Variants in CACNA2D3 observed in about 807,000 individuals in gnomAD.
The protein encoded by CACNA2D3 is voltage-dependent calcium channel subunit alpha-2/delta-3.
A neutral mutation model predicts 160.6 loss-of-function variants in CACNA2D3; 60 were observed. That is an observed-to-expected ratio of 0.37 (90% CI 0.30 to 0.46). The LOEUF is 0.46. Among genes scored for constraint, CACNA2D3 ranks in the 20% least tolerant of loss-of-function variants. The probability of loss-of-function intolerance (pLI) is 1.00; values close to 1 mark genes in which losing one functional copy is unlikely to be tolerated. For missense variants in CACNA2D3, 1,205 were observed against 1,365.0 expected (o/e 0.88, Z 1.85); for synonymous variants, 558 against 492.9 (o/e 1.13, Z -1.75).
chr3:54,606,892 C>T (rs1406713377), intron 9 of CACNA2D3, among the ~76,000 whole-genome samples: 1 of 152,180 alleles, frequency 6.6e-6, no homozygotes, highest in Non-Finnish European at 1.5e-5. Context: ...GCAAAATGCA[C>T]CTATCTCCCA....
chr3:54,618,307 C>G (rs1197952740), intron 9 of CACNA2D3, among the ~76,000 whole-genome samples: 1 of 146,568 alleles, frequency 6.8e-6, no homozygotes, highest in East Asian at 2.0e-4. Context: ...TTTAAACTTT[C>G]ACTAGTAGGG....
chr3:54,756,581 G>A (rs920735226), intron 12 of CACNA2D3, among the ~76,000 whole-genome samples: 9 of 152,130 alleles, frequency 5.9e-5, no homozygotes, highest in African/African-American at 1.9e-4. Flanking sequence ...TGAAGCATTA[G>A]CATTCAGGGA....
chr3:54,777,400 A>G (rs538711132), intron 13 of CACNA2D3, among the ~76,000 whole-genome samples: 2 of 152,350 alleles, frequency 1.3e-5, no homozygotes, highest in East Asian at 1.9e-4. Flanking sequence ...TATTAGACGT[A>G]CAGAGCAGAC....
chr3:54,913,213 G>C (rs1003404434), intron 27 of CACNA2D3, among the ~76,000 whole-genome samples: 5 of 152,124 alleles, frequency 3.3e-5, no homozygotes, highest in African/African-American at 1.2e-4. Context: ...CTCCTGTGTA[G>C]CTGGGATCAT....
intron 35 of CACNA2D3, among the ~76,000 whole-genome samples, chr3:55,032,710 T>G (rs1703709045): frequency 6.6e-6 from 1 of 152,056 alleles, no homozygotes; most frequent in African/African-American, 2.4e-5. Context: ...CTACAGGGGA[T>G]TGGCTTGATG....
intron 2 of CACNA2D3, among the ~76,000 whole-genome samples, chr3:54,156,734 T>C (rs998721534): frequency 6.6e-6 from 1 of 152,188 alleles, no homozygotes; most frequent in African/African-American, 2.4e-5. Flanking sequence ...CCGTTAGCAC[T>C]AACTGCTAGC....
At chr3:54,720,427 A>G (rs1361300777) in intron 11 of CACNA2D3, among the ~76,000 whole-genome samples, 1 of 152,004 alleles carries the variant, frequency 6.6e-6, no homozygotes, top group Non-Finnish European at 1.5e-5. Context: ...AAATTTTATG[A>G]TTTTTAGTTT....
chr3:54,985,018 A>C (rs1702585375), intron 30 of CACNA2D3, among the ~76,000 whole-genome samples: 1 of 152,198 alleles, frequency 6.6e-6, no homozygotes, highest in Non-Finnish European at 1.5e-5. Flanking sequence ...AGTTTGGGCA[A>C]CTTTAAGGTT....
intron 3 of CACNA2D3, among the ~76,000 whole-genome samples, chr3:54,354,532 G>T (rs748058993): frequency 1.1e-4 from 16 of 152,104 alleles, no homozygotes; most frequent in Non-Finnish European, 2.1e-4. Flanking sequence ...TCATCCAAGG[G>T]CCCCTCCTGA....
At chr3:54,750,448 A>G (rs1701835305) in intron 11 of CACNA2D3, among the ~76,000 whole-genome samples, 1 of 152,174 alleles carries the variant, frequency 6.6e-6, no homozygotes, top group African/African-American at 2.4e-5. Context: ...TGGTCTCAAG[A>G]GACTTGATTC....
intron 2 of CACNA2D3, among the ~76,000 whole-genome samples, chr3:54,271,161 C>T (rs1265660732): frequency 6.6e-6 from 1 of 152,176 alleles, no homozygotes; most frequent in Admixed American, 6.5e-5. Context: ...GAGCAGTGGG[C>T]ACGTTTCCTG....
chr3:54,195,788 C>T (rs889220522), intron 2 of CACNA2D3, among the ~76,000 whole-genome samples: 3 of 152,170 alleles, frequency 2.0e-5, no homozygotes, highest in Admixed American at 6.5e-5. Flanking sequence ...TGTCAAGCAT[C>T]CTTCAGTGTG....
chr3:54,460,390 A>G (rs1007379613), intron 4 of CACNA2D3, among the ~76,000 whole-genome samples: 2 of 152,166 alleles, frequency 1.3e-5, no homozygotes, highest in African/African-American at 2.4e-5. Flanking sequence ...CACGATATTG[A>G]TTCTTCCTAC....
At chr3:54,592,203 C>A (rs552767154) in intron 9 of CACNA2D3, among the ~76,000 whole-genome samples, 1 of 152,136 alleles carries the variant, frequency 6.6e-6, no homozygotes, top group East Asian at 1.9e-4. Context: ...TTAAAAATGT[C>A]GAAGAGGTAG....
intron 4 of CACNA2D3, among the ~76,000 whole-genome samples, chr3:54,400,944 A>G (rs1699449997): frequency 6.6e-6 from 1 of 152,202 alleles, no homozygotes; most frequent in Admixed American, 6.5e-5. Flanking sequence ...CAGAATAATG[A>G]TTGTGAGGAA....
intron 35 of CACNA2D3, among the ~76,000 whole-genome samples, chr3:55,034,200 A>G (rs1043816773): frequency 6.6e-6 from 1 of 151,974 alleles, no homozygotes; most frequent in Non-Finnish European, 1.5e-5. Flanking sequence ...AGTTATATTC[A>G]TACCAACACG....
chr3:54,793,298 G>T (rs555489213), intron 13 of CACNA2D3, among the ~76,000 whole-genome samples: 1 of 152,370 alleles, frequency 6.6e-6, no homozygotes, highest in Non-Finnish European at 1.5e-5. Context: ...TGAGAGCCAA[G>T]ACTGTAACAG....
intron 2 of CACNA2D3, among the ~76,000 whole-genome samples, chr3:54,214,749 CA>C (rs1209726802): frequency 6.6e-6 from 1 of 152,154 alleles, no homozygotes; most frequent in Non-Finnish European, 1.5e-5. Context: ...CTAGAGGTGA[CA>C]ACGCCAGACC....
chr3:54,213,441 T>C (rs1701411546), intron 2 of CACNA2D3, among the ~76,000 whole-genome samples: 1 of 152,224 alleles, frequency 6.6e-6, no homozygotes, highest in African/African-American at 2.4e-5. Context: ...CAGGAACAAT[T>C]GCTCTCTCAG....
Sources: allele counts gnomAD v4.1 joint callset (sites outside exome capture counted in the v4.1 genomes callset), GRCh38; gene constraint gnomAD v4.1.1; transcripts MANE v1.5; gene names NCBI Gene and HGNC (gene_info 2026-07-23, HGNC 2026-07-21).